GOLM2: variants seen among roughly 807,000 people sequenced by gnomAD.
GOLM2 encodes protein GOLM2.
In GOLM2, 26 loss-of-function variants were observed where a neutral mutation model predicts 55.9. That is an observed-to-expected ratio of 0.47 (90% CI 0.34 to 0.65). GOLM2 has a LOEUF of 0.65. Ranked by LOEUF, GOLM2 falls within the 30% of genes least tolerant of loss-of-function variation. The probability of loss-of-function intolerance (pLI) is 0.01; values close to 1 mark genes in which losing one functional copy is unlikely to be tolerated. For missense variants in GOLM2, 486 were observed against 531.8 expected (o/e 0.91, Z 0.85); for synonymous variants, 165 against 194.6 (o/e 0.85, Z 1.27).
chr15:44,311,511 A>C (rs756742352), intron 1 of GOLM2, among the ~76,000 whole-genome samples: 3 of 152,082 alleles, frequency 2.0e-5, no homozygotes, highest in Non-Finnish European at 4.4e-5. Context: ...GTGGTAAAAA[A>C]CACATACCTT....
intron 8 of GOLM2, among the ~76,000 whole-genome samples, chr15:44,400,194 T>G (rs960088792): frequency 4.6e-5 from 7 of 152,062 alleles, no homozygotes; most frequent in Admixed American, 6.6e-5. Context: ...TTCTATTTAT[T>G]TATTTATTTA....
intron 6 of GOLM2, among the ~76,000 whole-genome samples, chr15:44,352,721 C>A (rs2079172780): frequency 6.6e-6 from 1 of 151,980 alleles, no homozygotes; most frequent in African/African-American, 2.4e-5. Context: ...GCCTGGCCAA[C>A]ATGGTGAAAC....
chr15:44,321,623 G>A (rs1375641092), intron 1 of GOLM2, among the ~76,000 whole-genome samples: 2 of 152,184 alleles, frequency 1.3e-5, no homozygotes, highest in Non-Finnish European at 2.9e-5. Context: ...ACCAATGTCA[G>A]TTTCCTGGTT....
chr15:44,377,962 T>C (rs2079375399), intron 6 of GOLM2, among the ~76,000 whole-genome samples: 1 of 151,142 alleles, frequency 6.6e-6, no homozygotes. Context: ...TTAATTTCTT[T>C]GTGCTTTTCT....
intron 6 of GOLM2, among the ~76,000 whole-genome samples, chr15:44,363,302 A>G (rs537807783): frequency 6.6e-6 from 1 of 152,316 alleles, no homozygotes; most frequent in African/African-American, 2.4e-5. Context: ...CATCTGACAA[A>G]GGGCTAATAT....
At chr15:44,361,462 C>T (rs1595648191) in intron 6 of GOLM2, among the ~76,000 whole-genome samples, 1 of 152,022 alleles carries the variant, frequency 6.6e-6, no homozygotes, top group East Asian at 1.9e-4. Context: ...TGGATAAATT[C>T]CTCGACACAT....
intron 8 of GOLM2, among the ~76,000 whole-genome samples, chr15:44,395,177 A>ATT (rs755963732): frequency 3.0e-4 from 41 of 136,550 alleles, no homozygotes; most frequent in East Asian, 6.4e-4. Flanking sequence ...CGCCCGGCTA[A>ATT]TTTTTTTTTT....
chr15:44,409,341 C>G (rs1278168013), intron 9 of GOLM2, among the ~76,000 whole-genome samples: 1 of 150,392 alleles, frequency 6.6e-6, no homozygotes, highest in Non-Finnish European at 1.5e-5. Context: ...TAATCTAGCA[C>G]TTTGGGAGGC....
intron 2 of GOLM2, 25 bp downstream of exon 2, chr15:44,323,044 A>G: frequency 6.8e-7 from 1 of 1,473,408 alleles, no homozygotes; most frequent in Non-Finnish European, 9.2e-7. Context: ...TCCAGATTAA[A>G]GATAAACCAA....
rs1358069119 is a variant in GOLM2, at chr15:44,360,072, C to T, written c.803-19618C>T. 5.3e-5 allele frequency among the ~76,000 whole-genome samples: 8 copies of T among 152,278 alleles called. 1 individual carries two copies. The East Asian group carries it at 1.5e-3, about 29-fold the overall frequency. Reference sequence around the variant, plus strand: ...AGGAAGCACTAAACATGGAAAGGAACAACCACTACCAGCCGCTGCAAAATC... The same window carrying T: ...AGGAAGCACTAAACATGGAAAGGAATAACCACTACCAGCCGCTGCAAAATC... On this transcript the variant is annotated intron_variant, in intron 6 of 9. Coordinates refer to ENST00000299957, the MANE Select transcript of GOLM2 (RefSeq NM_138423.4).
At chr15:44,313,158 A>T (rs1595620625) in intron 1 of GOLM2, among the ~76,000 whole-genome samples, 1 of 151,848 alleles carries the variant, frequency 6.6e-6, no homozygotes, top group African/African-American at 2.4e-5. Context: ...CTGAGGCAGG[A>T]GAATTGCTTG....
At chr15:44,317,200 C>T (rs531688645) in intron 1 of GOLM2, among the ~76,000 whole-genome samples, 7 of 151,460 alleles carry the variant, frequency 4.6e-5, no homozygotes, top group African/African-American at 1.7e-4. Flanking sequence ...AAGTGAGACC[C>T]CCCCATCTCT....
At chr15:44,340,440 T>A (rs2079083917) in intron 6 of GOLM2, among the ~76,000 whole-genome samples, 1 of 152,152 alleles carries the variant, frequency 6.6e-6, no homozygotes, top group Non-Finnish European at 1.5e-5. Flanking sequence ...TTTTTATTTC[T>A]GTAGAGACGG....
chr15:44,376,647 T>C (rs2079366756), intron 6 of GOLM2, among the ~76,000 whole-genome samples: 1 of 152,240 alleles, frequency 6.6e-6, no homozygotes, highest in Admixed American at 6.5e-5. Context: ...TACTTGTATA[T>C]GTATACACAA....
At position 44,289,215 on chromosome 15, in the gene GOLM2, G is replaced by C; in HGVS notation, c.186G>C (p.Arg62=). The C allele has an allele frequency of 1.9e-6, 3 of 1,614,206 alleles. No homozygotes were observed. Among genetic ancestry groups the C allele is most frequent in the Non-Finnish European group, 2.5e-6 (3 of 1,180,022 alleles). Residue 62 remains arginine (R), a synonymous_variant, in exon 1 of 10, where the codon CGG becomes CGC. Coordinates refer to ENST00000299957, the MANE Select transcript of GOLM2 (RefSeq NM_138423.4). The surrounding 1 kb of genome is among the most constrained non-coding windows in gnomAD (Gnocchi z 4.8). ...QVQRTEVARG[R]LEKRNSDLLL... ...AGCGCACCGAAGTGGCCCGCGGGCGGCTGGAAAAGCGCAATTCGGACCTCT... is the reference window on the plus strand; with the variant it reads ...AGCGCACCGAAGTGGCCCGCGGGCGCCTGGAAAAGCGCAATTCGGACCTCT...
chr15:44,306,184 A>G (rs2078835644), intron 1 of GOLM2, among the ~76,000 whole-genome samples: 1 of 152,220 alleles, frequency 6.6e-6, no homozygotes, highest in Non-Finnish European at 1.5e-5. Flanking sequence ...ATTTACATGG[A>G]AAATGTGTTG....
At chr15:44,394,786 T>TCACAACTCTAGGTATTAA (rs1172472130) in intron 8 of GOLM2, among the ~76,000 whole-genome samples, 1 of 152,174 alleles carries the variant, frequency 6.6e-6, no homozygotes, top group African/African-American at 2.4e-5. Flanking sequence ...CTTGAAATAG[T>TCACAACTCTAGGTATTAA]CACAACTCTA....
Position 44,328,792 on chromosome 15 carries a change from G to A in GOLM2, c.485+5G>A. The A allele has an allele frequency of 6.4e-7, 1 of 1,550,930 alleles. No individual in the cohort carries two copies. Among genetic ancestry groups the A allele is most frequent in the Middle Eastern group, 1.7e-4 (1 of 5,870 alleles). On this transcript the variant is annotated splice_donor_5th_base_variant and intron_variant, in intron 3 of 9. Coordinates refer to ENST00000299957, the MANE Select transcript of GOLM2 (RefSeq NM_138423.4). ...GAAGAGGTTAGAATATGAAAGGTAA[G>A]ATGTTACATGCAACATATGTTTATG...
Position 44,323,034 on chromosome 15 carries a change from TC to T in GOLM2, c.382+17del. 6.5e-7 allele frequency: 1 copy of T among 1,536,082 alleles called. No homozygotes were observed. The highest frequency in any genetic ancestry group is 8.8e-7 in the Non-Finnish European group (1 of 1,138,912). ...TCATTTAAAGGGTAAGAACCTTAAT[TC>T]CAGATTAAAGATAAACCAAGGTCAC... On this transcript the variant is annotated intron_variant, in intron 2 of 9. Transcript: ENST00000299957.
Sources: gnomAD v4.1 joint callset for allele counts (sites outside exome capture counted in the v4.1 genomes callset) on GRCh38, gnomAD v4.1.1 for gene constraint, Gnocchi (gnomAD v3.1) non-coding constraint, MANE v1.5 for transcripts, NCBI Gene and HGNC (gene_info 2026-07-23, HGNC 2026-07-21) for gene names.